RAB6A: variants seen among roughly 807,000 people sequenced by gnomAD.
RAB6A encodes the protein ras-related protein Rab-6A.
A neutral mutation model predicts 32.3 loss-of-function variants in RAB6A; 8 were observed. That is an observed-to-expected ratio of 0.25 (90% CI 0.15 to 0.45). The LOEUF is 0.45. Ranked by LOEUF, RAB6A falls within the 20% of genes least tolerant of loss-of-function variation. The probability of loss-of-function intolerance (pLI) is 1.00; values close to 1 mark genes in which losing one functional copy is unlikely to be tolerated. For synonymous variants in RAB6A, 73 were observed against 82.1 expected, an observed-to-expected ratio of 0.89 and a Z score of 0.60; for missense variants, 104 against 249.4, an observed-to-expected ratio of 0.42 and a Z score of 3.93.
chr11:73,693,600 G>A (rs1352542498), intron 6 of RAB6A, among the ~76,000 whole-genome samples: 2 of 145,568 alleles, frequency 1.4e-5, no homozygotes, highest in African/African-American at 2.6e-5. Context: ...AAAAGAAAGC[G>A]ACAGGCTGGG....
intron 2 of RAB6A, among the ~76,000 whole-genome samples, chr11:73,721,509 T>G (rs1189000572): frequency 6.6e-6 from 1 of 152,056 alleles, no homozygotes; most frequent in African/African-American, 2.4e-5. Flanking sequence ...GCTGCTGTTT[T>G]CCCTATCAAG....
chr11:73,755,317 G>A (rs1296199320), intron 1 of RAB6A, among the ~76,000 whole-genome samples: 1 of 145,744 alleles, frequency 6.9e-6, no homozygotes, highest in Non-Finnish European at 1.5e-5. Flanking sequence ...ATTTTGAGAT[G>A]GAGCCTCACT....
At chr11:73,741,836 AT>A (rs1946501013) in intron 1 of RAB6A, among the ~76,000 whole-genome samples, 2 of 152,124 alleles carry the variant, frequency 1.3e-5, no homozygotes, top group South Asian at 4.1e-4. Context: ...ATGAAATGAA[AT>A]TTTTTAAGAT....
chr11:73,745,799 T>A (rs1273232927), intron 1 of RAB6A, among the ~76,000 whole-genome samples: 1 of 151,886 alleles, frequency 6.6e-6, no homozygotes, highest in African/African-American at 2.4e-5. Context: ...TCCACTGGAC[T>A]CCAGCCTGGG....
intron 6 of RAB6A, among the ~76,000 whole-genome samples, chr11:73,706,383 A>G (rs942894865): frequency 1.1e-4 from 17 of 151,998 alleles, no homozygotes; most frequent in African/African-American, 3.9e-4. Context: ...GGCGTGATGC[A>G]GGCACCTGTA....
chr11:73,757,289 T>C (rs1418678913), intron 1 of RAB6A, among the ~76,000 whole-genome samples: 3 of 150,162 alleles, frequency 2.0e-5, no homozygotes, highest in Non-Finnish European at 3.0e-5. Context: ...GATTACAGGC[T>C]CCCACCCGCC....
chr11:73,759,973 T>A, intron 1 of RAB6A: 1 of 1,210,832 alleles, frequency 8.3e-7, no homozygotes, highest in Non-Finnish European at 1.1e-6. Context: ...AATTCAGATG[T>A]TTCCTCTATG....
At chr11:73,743,795 A>C (rs555297768) in intron 1 of RAB6A, among the ~76,000 whole-genome samples, 90 of 152,336 alleles carry the variant, frequency 5.9e-4, no homozygotes, top group Non-Finnish European at 1.1e-3. Flanking sequence ...CAATTTTGTG[A>C]AACTTTTCTT....
At chr11:73,744,674 A>G (rs1046051424) in intron 1 of RAB6A, among the ~76,000 whole-genome samples, 20 of 152,160 alleles carry the variant, frequency 1.3e-4, no homozygotes, top group Non-Finnish European at 2.4e-4. Flanking sequence ...ATTCCAGTGG[A>G]AAGTTCAAAA....
chr11:73,739,279 AAAAAAATAT>A (rs1946453089), intron 1 of RAB6A, among the ~76,000 whole-genome samples: 1 of 44,840 alleles, frequency 2.2e-5, no homozygotes, highest in African/African-American at 6.2e-5. Flanking sequence ...AAAAAAAAAA[AAAAAAATAT>A]ATATATATAT....
At chr11:73,723,654 C>T (rs909207332) in intron 2 of RAB6A, among the ~76,000 whole-genome samples, 6 of 152,122 alleles carry the variant, frequency 3.9e-5, no homozygotes, top group Non-Finnish European at 1.5e-5. Flanking sequence ...TGATTGCCTA[C>T]TAGGCACCAT....
chr11:73,730,718 C>A, intron 2 of RAB6A, 47 bp downstream of exon 2: 1 of 1,441,690 alleles, frequency 6.9e-7, no homozygotes, highest in South Asian at 1.2e-5. Context: ...TTGAATATTA[C>A]TTGTAACAAA....
At chr11:73,737,048 T>C (rs1946410207) in intron 1 of RAB6A, among the ~76,000 whole-genome samples, 1 of 151,312 alleles carries the variant, frequency 6.6e-6, no homozygotes, top group African/African-American at 2.4e-5. Context: ...CTCAACAAAT[T>C]TCAAATGTTT....
intron 2 of RAB6A, 161 bp downstream of exon 2, chr11:73,730,604 G>T: frequency 1.7e-6 from 1 of 597,868 alleles, no homozygotes; most frequent in South Asian, 2.4e-5. Context: ...TTTATCCTAG[G>T]ACTGGACAAA....
At chr11:73,722,080 C>T (rs963881010) in intron 2 of RAB6A, among the ~76,000 whole-genome samples, 5 of 140,812 alleles carry the variant, frequency 3.6e-5, no homozygotes, top group African/African-American at 1.2e-4. Flanking sequence ...TGAGGCCTCC[C>T]CAGCCATGTG....
intron 1 of RAB6A, among the ~76,000 whole-genome samples, chr11:73,731,576 G>T (rs1168844044): frequency 6.8e-6 from 1 of 148,076 alleles, no homozygotes. Context: ...GACAAGAAAA[G>T]CTGTTTTAAA....
chr11:73,757,130 T>TATATATATATATATATA (rs57416985), intron 1 of RAB6A, among the ~76,000 whole-genome samples: 1 of 29,604 alleles, frequency 3.4e-5, no homozygotes, highest in African/African-American at 1.8e-4. Flanking sequence ...TATATATATA[T>TATATATATATATATATA]TTTTTTTTTT....
rs918016049 is a variant in RAB6A at position 73,677,474 on chromosome 11, A to G, written c.*424T>C. The G allele has an allele frequency of 3.8e-5, 10 of 264,848 alleles. No homozygotes were observed. The highest frequency in any genetic ancestry group is 2.0e-4 in the African/African-American group (9 of 44,394). The allele number at this position is 264,848 out of a possible 1,614,324, so 16.4% of individuals were successfully genotyped here. On this transcript the variant is annotated 3_prime_UTR_variant, in exon 8 of 8. Transcript: ENST00000336083. Reference sequence around the variant, plus strand: ...AAGTCGGGGGAGGCTAGGTAAGAATAGGGTAATAGGGAATGGGGGTAAGTG... The same window carrying G: ...AAGTCGGGGGAGGCTAGGTAAGAATGGGGTAATAGGGAATGGGGGTAAGTG...
intron 5 of RAB6A, among the ~76,000 whole-genome samples, chr11:73,712,087 AAACTTTACATTTTCCC>A (rs1298364378): frequency 6.6e-6 from 1 of 152,170 alleles, no homozygotes. Context: ...TTAAGTAATC[AAACTTTACATTTTCCC>A]TTATTTTGTG....
Sources: allele counts gnomAD v4.1 joint callset (sites outside exome capture counted in the v4.1 genomes callset), GRCh38; gene constraint gnomAD v4.1.1; transcripts MANE v1.5; gene names NCBI Gene and HGNC (gene_info 2026-07-23, HGNC 2026-07-21).